SLIT2: variants seen among roughly 807,000 people sequenced by gnomAD.
The protein encoded by SLIT2 is slit homolog 2 protein.
In SLIT2, 41 loss-of-function variants were observed where a neutral mutation model predicts 185.7. The ratio of observed to expected loss-of-function variants is 0.22; its 90% CI spans 0.17 to 0.29. The LOEUF (loss-of-function observed/expected upper bound fraction) is 0.29. Ranked by LOEUF, SLIT2 falls within the 10% of genes least tolerant of loss-of-function variation. The pLI is 1.00. For missense variants in SLIT2, 1,571 were observed against 1,909.0 expected (o/e 0.82, Z 3.30); for synonymous variants, 693 against 680.2 (o/e 1.02, Z -0.29).
At chr4:20,435,933 A>C (rs1729317299) in intron 4 of SLIT2, among the ~76,000 whole-genome samples, 1 of 152,226 alleles carries the variant, frequency 6.6e-6, no homozygotes. Flanking sequence ...TCTGAATTAT[A>C]GAGTGAATTA....
intron 4 of SLIT2, among the ~76,000 whole-genome samples, chr4:20,331,337 C>A (rs558487620): frequency 3.4e-4 from 51 of 152,004 alleles, no homozygotes; most frequent in Non-Finnish European, 4.1e-4. Flanking sequence ...AAGTGATATT[C>A]GTTTACAAAA....
At chr4:20,270,124 CTA>C (rs1321024886) in intron 4 of SLIT2, among the ~76,000 whole-genome samples, 1 of 151,890 alleles carries the variant, frequency 6.6e-6, no homozygotes, top group Non-Finnish European at 1.5e-5. Context: ...TATCTAATAA[CTA>C]TTTTTACTTA....
At chr4:20,489,009 T>C (rs552172837) in intron 8 of SLIT2, 27 bp downstream of exon 8, 2 of 1,575,690 alleles carry the variant, frequency 1.3e-6, no homozygotes, top group Non-Finnish European at 1.7e-6. Flanking sequence ...AGTGATGTTA[T>C]TGTGTTTATT....
chr4:20,578,782 A>G (rs1726278534), intron 29 of SLIT2, among the ~76,000 whole-genome samples: 1 of 152,212 alleles, frequency 6.6e-6, no homozygotes, highest in African/African-American at 2.4e-5. Flanking sequence ...CTTTGGGGAA[A>G]ATTAAAGAGA....
intron 5 of SLIT2, among the ~76,000 whole-genome samples, chr4:20,473,520 A>T (rs1043610662): frequency 1.3e-5 from 2 of 151,970 alleles, no homozygotes; most frequent in Non-Finnish European, 2.9e-5. Context: ...GGCAAACAGG[A>T]TAGAGAGAGT....
chr4:20,343,160 C>T (rs1721104082), intron 4 of SLIT2, among the ~76,000 whole-genome samples: 1 of 151,920 alleles, frequency 6.6e-6, no homozygotes. Flanking sequence ...AGGATTTATT[C>T]CATCTATCTA....
chr4:20,486,617 A>G (rs1212571089), intron 7 of SLIT2, among the ~76,000 whole-genome samples: 1 of 152,156 alleles, frequency 6.6e-6, no homozygotes, highest in Non-Finnish European at 1.5e-5. Flanking sequence ...CTGTACTGCA[A>G]GCAGACCTAA....
intron 4 of SLIT2, among the ~76,000 whole-genome samples, chr4:20,303,964 C>T (rs1200725591): frequency 6.6e-6 from 1 of 152,156 alleles, no homozygotes; most frequent in Non-Finnish European, 1.5e-5. Context: ...TTGAATCACA[C>T]CTGCTAGGCT....
chr4:20,327,053 G>T (rs1719658122), intron 4 of SLIT2, among the ~76,000 whole-genome samples: 1 of 151,898 alleles, frequency 6.6e-6, no homozygotes, highest in African/African-American at 2.4e-5. Flanking sequence ...ATCCCAAACA[G>T]TAGGTTTCTA....
At position 20,472,557 on chromosome 4, in the gene SLIT2, T is replaced by TATATATAG. The variant is rs1715561490; in HGVS notation, c.467+4740_467+4741insAGATATAT. Among the ~76,000 whole-genome samples the TATATATAG allele has an allele frequency of 2.5e-4, 6 of 24,472 alleles. 1 individual carries two copies. Among genetic ancestry groups the TATATATAG allele is most frequent in the African/African-American group, 8.6e-4 (3 of 3,476 alleles). 16.1% of individuals were successfully genotyped at this position (24,472 alleles called of 152,430 possible). A position where few individuals can be genotyped will look rare whatever the true frequency, so the allele number is the denominator to read the frequency against. Reference sequence around the variant, plus strand: ...AGATATATCTATATCTATATATAGATATATATCTATATATAGATATATCTA... The same window carrying TATATATAG: ...AGATATATCTATATCTATATATAGATATATATAGATATATCTATATATAGATATATCTA... On this transcript the variant is annotated intron_variant, in intron 5 of 36. Coordinates refer to ENST00000504154, the MANE Select transcript of SLIT2 (RefSeq NM_004787.4).
At chr4:20,434,660 G>T (rs1225460393) in intron 4 of SLIT2, among the ~76,000 whole-genome samples, 2 of 152,166 alleles carry the variant, frequency 1.3e-5, no homozygotes, top group African/African-American at 2.4e-5. Context: ...GGTTGGAATG[G>T]ATCATAGATG....
At chr4:20,375,533 G>A (rs1577528711) in intron 4 of SLIT2, among the ~76,000 whole-genome samples, 1 of 152,030 alleles carries the variant, frequency 6.6e-6, no homozygotes, top group African/African-American at 2.4e-5. Context: ...AAGAGCAAGG[G>A]TTAGTAGAAC....
At chr4:20,595,897 G>T in intron 31 of SLIT2, 63 bp downstream of exon 31, 1 of 1,350,998 alleles carries the variant, frequency 7.4e-7, no homozygotes, top group Non-Finnish European at 1.0e-6. Context: ...GGTGACTATA[G>T]TCAGTAATAG....
At position 20,402,140 on chromosome 4, in the gene SLIT2, C is replaced by T. The variant is rs28647472; in HGVS notation, c.396-65612C>T. The stretch of plus-strand genomic sequence containing the variant: ...TAAAAGGAAAAGACAGGAAGTTGGT[C>T]CTGGAAGTATGGGCAGCATGAATAC... On this transcript the variant is annotated intron_variant, in intron 4 of 36. Transcript: ENST00000504154. Among the ~76,000 whole-genome samples the T allele has an allele frequency of 4.8e-3, 726 of 151,636 alleles. 11 individuals carry two copies. The highest frequency in any genetic ancestry group is 0.017 in the African/African-American group (703 of 41,426).
At chr4:20,465,859 A>G (rs569591006) in intron 4 of SLIT2, among the ~76,000 whole-genome samples, 12 of 152,070 alleles carry the variant, frequency 7.9e-5, no homozygotes, top group Non-Finnish European at 1.3e-4. Context: ...GTGGGGAATG[A>G]CATAGCCCCA....
chr4:20,410,293 G>A (rs1222594777), intron 4 of SLIT2, among the ~76,000 whole-genome samples: 6 of 121,908 alleles, frequency 4.9e-5, no homozygotes, highest in African/African-American at 1.9e-4. Flanking sequence ...CTGTCACCCA[G>A]GCTGGAGTGC....
intron 30 of SLIT2, among the ~76,000 whole-genome samples, chr4:20,594,494 G>T (rs760323487): frequency 6.6e-6 from 1 of 151,894 alleles, no homozygotes; most frequent in African/African-American, 2.4e-5. Flanking sequence ...ATCACAACAG[G>T]AGAGTGTTGA....
intron 4 of SLIT2, among the ~76,000 whole-genome samples, chr4:20,410,564 T>C (rs182070181): frequency 4.9e-4 from 74 of 152,092 alleles, no homozygotes; most frequent in Non-Finnish European, 1.0e-3. Flanking sequence ...CACATTTAAG[T>C]CTTTAATCCA....
rs911976248 is a variant in SLIT2 at position 20,321,163 on chromosome 4, C to T, written c.395+52282C>T. On this transcript the variant is annotated intron_variant, in intron 4 of 36. Transcript: ENST00000504154. ...CAAAACAAAACAAAAAAAACTAAAG[C>T]TAAATTTACCAGCTCTCCTCCAAAC... Among the ~76,000 whole-genome samples the T allele has an allele frequency of 3.3e-5, 5 of 152,010 alleles. No homozygotes were observed. In the East Asian group the frequency reaches 7.7e-4, roughly 24 times the overall value.
Sources: allele counts gnomAD v4.1 joint callset (sites outside exome capture counted in the v4.1 genomes callset), GRCh38; gene constraint gnomAD v4.1.1; transcripts MANE v1.5; gene names NCBI Gene and HGNC (gene_info 2026-07-23, HGNC 2026-07-21).